The following CHD4 variants were observed in gnomAD, a reference collection of about 807,000 sequenced individuals.
CHD4 encodes ATP-dependent chromatin remodeler CHD4.
In CHD4, 35 loss-of-function variants were observed where a neutral mutation model predicts 235.5. The observed-to-expected ratio is 0.15, with a 90% CI of 0.11 to 0.20. CHD4 has a LOEUF of 0.20. Among genes scored for constraint, CHD4 ranks in the 10% least tolerant of loss-of-function variants. The pLI is 1.00. For synonymous variants in CHD4, 900 were observed against 850.2 expected, an observed-to-expected ratio of 1.06 and a Z score of -1.02; for missense variants, 1,329 against 2,432.3, an observed-to-expected ratio of 0.55 and a Z score of 9.54.
Position 6,592,048 on chromosome 12 carries a change from G to A in CHD4, c.2958C>T (p.Tyr986=). 1 of 1,614,192 alleles carries A rather than the reference G, an allele frequency of 6.2e-7. No individual in the cohort carries two copies. The highest frequency in any genetic ancestry group is 8.5e-7 in the Non-Finnish European group (1 of 1,180,038). ...VELSPMQKKY[Y]KYILTRNFEA... Reference sequence around the variant, plus strand: ...CAAAATTTCGAGTGAGGATGTACTTGTAGTATTTCCTACATGGGCAAGGTA... The same window carrying A: ...CAAAATTTCGAGTGAGGATGTACTTATAGTATTTCCTACATGGGCAAGGTA... The change falls in exon 20 of 40, where the codon TAC becomes TAT. Residue 986 remains tyrosine, a synonymous_variant. Coordinates refer to ENST00000544040, the MANE Select transcript of CHD4 (RefSeq NM_001273.5).
chr12:6,572,200 G>A (rs562860403), intron 38 of CHD4, among the ~76,000 whole-genome samples: 27 of 151,660 alleles, frequency 1.8e-4, no homozygotes, highest in Admixed American at 1.1e-3. Context: ...AGGCGGAGGC[G>A]GGTGGATCAC....
In CHD4 at chr12:6,582,586, A is replaced by G. The variant is rs758680304; in HGVS notation, c.4370+29T>C. The stretch of plus-strand genomic sequence containing the variant: ...GATAGATAGCAGAAGCCCTTGCTCT[A>G]GATCAGTCCACTCCAGCCCTCAACT... On this transcript the variant is annotated intron_variant, in intron 29 of 39. Coordinates refer to ENST00000544040, the MANE Select transcript of CHD4 (RefSeq NM_001273.5). The G allele has an allele frequency of 1.9e-6, 3 of 1,591,270 alleles. No homozygotes were observed. In the South Asian group the frequency reaches 3.5e-5, roughly 18 times the overall value.
intron 21 of CHD4, 37 bp downstream of exon 21, chr12:6,591,657 T>C: frequency 6.2e-7 from 1 of 1,614,178 alleles, no homozygotes; most frequent in Non-Finnish European, 8.5e-7. Flanking sequence ...AAGGGTTGTC[T>C]ATGACTGTTC....
intron 22 of CHD4, chr12:6,591,230 G>A (rs141807181): frequency 2.4e-4 from 98 of 405,262 alleles, no homozygotes; most frequent in African/African-American, 2.0e-3. Flanking sequence ...CCCTTTGCTT[G>A]CCCTCGAGAT....
At chr12:6,607,196 C>CCG (rs1948719997) in intron 1 of CHD4, 104 bp downstream of exon 1, 1 of 152,168 alleles carries the variant, frequency 6.6e-6, no homozygotes. Flanking sequence ...AAGGGGCGGT[C>CCG]CGCGGGTCCG....
rs1458596157 is a variant in CHD4 at position 6,601,028 on chromosome 12, C to T, written c.825G>A (p.Lys275=). ...TGGCATCAGGTACACGAGGGCTGCC[C>T]TTGGGCTTCCTCCGAGCATTGGGAC... The part of the protein sequence containing the change: ...GKGPNARRKP[K]GSPRVPDAKK... Residue 275 remains lysine, a synonymous_variant, in exon 7 of 40, where the codon AAG becomes AAA. Transcript: ENST00000544040. 5.7e-6 allele frequency: 9 copies of T among 1,589,812 alleles called. No homozygotes were observed. The highest frequency in any genetic ancestry group is 8.5e-7 in the Non-Finnish European group (1 of 1,171,480).
Position 6,593,256 on chromosome 12 carries a change from C to G in CHD4, c.2515-28G>C. On this transcript the variant is annotated intron_variant, in intron 16 of 39. Transcript: ENST00000544040. The surrounding 1 kb of genome is among the most constrained non-coding windows in gnomAD (Gnocchi z 4.9). ...GCACATGAAGGCAACTTGGTCACTA[C>G]TAGTCAGTTCCTCTGTGTAAGCACA... 6.2e-7 allele frequency: 1 copy of G among 1,613,730 alleles called. No individual in the cohort carries two copies. Among genetic ancestry groups the G allele is most frequent in the Middle Eastern group, 1.6e-4 (1 of 6,062 alleles).
At position 6,593,745 on chromosome 12, in the gene CHD4, T is replaced by TC; in HGVS notation, c.2314-130dup. On this transcript the variant is annotated intron_variant, in intron 15 of 39. Coordinates refer to ENST00000544040, the MANE Select transcript of CHD4 (RefSeq NM_001273.5). The surrounding 1 kb of genome is among the most constrained non-coding windows in gnomAD (Gnocchi z 4.9). ...CACACCTGCGCTGCTGCTCCTGCTC[T>TC]CACCTTCCTCTATACAAGTGCCCAG... 1 of 768,438 alleles carries TC rather than the reference T, an allele frequency of 1.3e-6. No homozygotes were observed. Among genetic ancestry groups the TC allele is most frequent in the Non-Finnish European group, 2.1e-6 (1 of 475,426 alleles). 47.6% of individuals were successfully genotyped at this position (768,438 alleles called of 1,614,324 possible). A position where few individuals can be genotyped will look rare whatever the true frequency, so the allele number is the denominator to read the frequency against.
Position 6,582,877 on chromosome 12 carries a change from G to T in CHD4, c.4207C>A (p.Leu1403Met), listed in dbSNP as rs1299186599. The change falls in exon 28 of 40, where the codon CTG (leucine) becomes ATG (methionine). Residue 1403 changes from leucine (L) to methionine (M), a missense_variant. Around this residue, in one of 26 missense-constraint regions of CHD4, gnomAD observed 46 missense variants for 85.6 expected, o/e 0.54. Coordinates refer to ENST00000544040, the MANE Select transcript of CHD4 (RefSeq NM_001273.5). ...ATATTCCCACCAACACGGGCCAACA[G>T]AGGAGGCAATGGCTTATCTTTATCA... Reference protein sequence around the residue: ...RNDKDKPLPPLLARVGGNIEV... With the variant: ...RNDKDKPLPPMLARVGGNIEV... The T allele has an allele frequency of 6.2e-7, 1 of 1,614,024 alleles. No homozygotes were observed. Among genetic ancestry groups the T allele is most frequent in the Non-Finnish European group, 8.5e-7 (1 of 1,180,040 alleles).
intron 22 of CHD4, chr12:6,590,248 A>T (rs1275906669): frequency 1.3e-5 from 2 of 152,248 alleles, no homozygotes; most frequent in Non-Finnish European, 2.9e-5. Context: ...AATGTCACAG[A>T]TAGCAGGAAG....
chr12:6,578,851 T>C lies in CHD4; in HGVS notation c.4976A>G (p.Asp1659Gly), dbSNP rs577673920. Reference protein sequence around the residue: ...AIDLTPIVVEDKEEKKEEEEK... With the variant: ...AIDLTPIVVEGKEEKKEEEEK... ...CAACTTCTCCAAACACCCACCTTTG[T>C]CTTCTACCACAATAGGGGTCAGATC... The change falls in exon 34 of 40, where the codon GAC becomes GGC. Residue 1659 changes from aspartate (D) to glycine (G), a missense_variant. Coordinates refer to ENST00000544040, the MANE Select transcript of CHD4 (RefSeq NM_001273.5). 12 of 1,614,158 alleles carry C rather than the reference T, an allele frequency of 7.4e-6. No homozygotes were observed. In the East Asian group the frequency reaches 2.5e-4, roughly 33 times the overall value.
intron 1 of CHD4, 150 bp from the exon 2 acceptor site, chr12:6,606,601 G>A: frequency 2.4e-6 from 1 of 416,190 alleles, no homozygotes; most frequent in Non-Finnish European, 4.3e-6. Flanking sequence ...ACACTCCTCG[G>A]GGGCAGCCCG....
chr12:6,604,627 G>A (rs925290065), intron 2 of CHD4, among the ~76,000 whole-genome samples: 1 of 151,486 alleles, frequency 6.6e-6, no homozygotes, highest in African/African-American at 2.4e-5. Context: ...TGGAGACAAA[G>A]ACAACCCATG....
chr12:6,595,969 A>C, intron 13 of CHD4, 37 bp downstream of exon 13: 1 of 1,574,032 alleles, frequency 6.4e-7, no homozygotes, highest in Non-Finnish European at 8.6e-7. Flanking sequence ...AAAAAAAAAA[A>C]AAGAAACAAC....
At position 6,594,350 on chromosome 12, in the gene CHD4, G is replaced by C. The variant is rs766761589; in HGVS notation, c.2313+109C>G. 4.3e-6 allele frequency: 4 copies of C among 923,082 alleles called. No individual in the cohort carries two copies. The Admixed American group carries it at 1.0e-4, about 24-fold the overall frequency. The allele number at this position is 923,082 out of a possible 1,614,324, so 57.2% of individuals were successfully genotyped here. On this transcript the variant is annotated intron_variant, in intron 15 of 39. Coordinates refer to ENST00000544040, the MANE Select transcript of CHD4 (RefSeq NM_001273.5). ...TTTATCTATTATCCACAGTGTTCTT[G>C]AAGGTCAGAGACCAATTTTTTTATT... is the stretch of plus-strand genomic sequence containing the variant.
Position 6,581,731 on chromosome 12 carries a change from T to C in CHD4, c.4599A>G (p.Pro1533=), listed in dbSNP as rs1157529787. ...EVEENKKMSQ[P]GSPSPKTPTP... ...TAGGAGTTTTTGGGGAGGGTGACCC[T>C]GGCTGGGACATCTTCTTGTTTTCCT... Residue 1533 remains proline (P), a synonymous_variant, in exon 31 of 40, where the codon CCA becomes CCG. Transcript: ENST00000544040. The C allele has an allele frequency of 2.5e-6, 4 of 1,604,280 alleles. No individual in the cohort carries two copies. Among genetic ancestry groups the C allele is most frequent in the Non-Finnish European group, 3.4e-6 (4 of 1,174,570 alleles).
In CHD4 at chr12:6,592,982, G is replaced by A. The variant is rs1948426885; in HGVS notation, c.2652+109C>T. On this transcript the variant is annotated intron_variant, in intron 17 of 39. Coordinates refer to ENST00000544040, the MANE Select transcript of CHD4 (RefSeq NM_001273.5). ...CTGTCACATACAAGGAAGGAAGGCA[G>A]AGACAATTTTCCCCTCTCCTCTCCA... 8.5e-6 allele frequency: 13 copies of A among 1,534,526 alleles called. No homozygotes were observed. The South Asian group carries it at 1.4e-4, about 17-fold the overall frequency.
At position 6,594,453 on chromosome 12, in the gene CHD4, C is replaced by A; in HGVS notation, c.2313+6G>T. Reference sequence around the variant, plus strand: ...ACAAAAAACTATCCACCCCAGATTTCCTTACCTCCTTGTAAAGGGAATACA... The same window carrying A: ...ACAAAAAACTATCCACCCCAGATTTACTTACCTCCTTGTAAAGGGAATACA... On this transcript the variant is annotated splice_donor_region_variant and intron_variant, in intron 15 of 39. Coordinates refer to ENST00000544040, the MANE Select transcript of CHD4 (RefSeq NM_001273.5). The A allele has an allele frequency of 6.2e-7, 1 of 1,601,266 alleles. No individual in the cohort carries two copies. The highest frequency in any genetic ancestry group is 8.5e-7 in the Non-Finnish European group (1 of 1,172,696).
At chr12:6,585,008 G>A (rs1240806278) in intron 25 of CHD4, among the ~76,000 whole-genome samples, 2 of 152,140 alleles carry the variant, frequency 1.3e-5, no homozygotes, top group Non-Finnish European at 2.9e-5. Flanking sequence ...CAAAATCACA[G>A]GTAAGCATCA....
Sources: allele counts gnomAD v4.1 joint callset (sites outside exome capture counted in the v4.1 genomes callset), GRCh38; gene constraint gnomAD v4.1.1; regional missense constraint gnomAD v4.1.1; non-coding constraint Gnocchi (gnomAD v3.1); transcripts MANE v1.5; gene names NCBI Gene and HGNC (gene_info 2026-07-23, HGNC 2026-07-21).